ANXA1: variants seen among roughly 807,000 people sequenced by gnomAD.
The protein encoded by ANXA1 is annexin I (lipocortin I).
In ANXA1, 39 loss-of-function variants were observed where a neutral mutation model predicts 47.9. The observed-to-expected ratio is 0.81, with a 90% CI of 0.63 to 1.06. The LOEUF is 1.06. Among genes scored for constraint, ANXA1 ranks in the 50% least tolerant of loss-of-function variants. The pLI is 0.00. For missense variants in ANXA1, 446 were observed against 422.7 expected (o/e 1.06, Z -0.48); for synonymous variants, 146 against 142.5 (o/e 1.02, Z -0.17).
intron 1 of ANXA1, among the ~76,000 whole-genome samples, chr9:73,152,788 T>G (rs1200154151): frequency 2.0e-5 from 3 of 152,206 alleles, no homozygotes; most frequent in Non-Finnish European, 4.4e-5. Context: ...GTGTTGGATA[T>G]ATTTGTAAAA....
chr9:73,163,362 G>A, intron 7 of ANXA1, 114 bp from the exon 8 acceptor site: 1 of 1,020,690 alleles, frequency 9.8e-7, no homozygotes, highest in Non-Finnish European at 1.4e-6. Flanking sequence ...CTAGAAATGA[G>A]TAATAGAATA....
intron 4 of ANXA1, 117 bp downstream of exon 4, chr9:73,159,540 C>A (rs979624262): frequency 1.3e-6 from 1 of 763,016 alleles, no homozygotes; most frequent in Non-Finnish European, 2.1e-6. Flanking sequence ...CTCATTACAT[C>A]TATGATTGGG....
At position 73,170,133 on chromosome 9, in the gene ANXA1, T is replaced by C. The variant is rs1824299350; in HGVS notation, c.*26T>C. ...ACATTCCCTTGATGGTCTCAAGCTA[T>C]GATCAGAAGACTTTAATTATATATT... On this transcript the variant is annotated 3_prime_UTR_variant, in exon 13 of 13. Coordinates refer to ENST00000257497, the MANE Select transcript of ANXA1 (RefSeq NM_000700.3). The C allele has an allele frequency of 1.9e-6, 3 of 1,576,282 alleles. No homozygotes were observed. Among genetic ancestry groups the C allele is most frequent in the African/African-American group, 1.4e-5 (1 of 73,474 alleles).
intron 10 of ANXA1, 24 bp from the exon 11 acceptor site, chr9:73,167,473 A>C: frequency 6.2e-7 from 1 of 1,605,346 alleles, no homozygotes; most frequent in Non-Finnish European, 8.5e-7. Flanking sequence ...TAAATACATC[A>C]ACTAAAATTT....
At chr9:73,159,104 G>A (rs760947682) in intron 3 of ANXA1, among the ~76,000 whole-genome samples, 12 of 152,104 alleles carry the variant, frequency 7.9e-5, no homozygotes, top group Non-Finnish European at 1.8e-4. Flanking sequence ...CAACACTGAG[G>A]GCCAGGAAAA....
Position 73,167,556 on chromosome 9 carries a change from G to A in ANXA1, c.861+1G>A. 6.2e-7 allele frequency: 1 copy of A among 1,613,166 alleles called. No homozygotes were observed. Among genetic ancestry groups the A allele is most frequent in the South Asian group, 1.1e-5 (1 of 91,018 alleles). ...AGAGAAGCTTCATCAAGCCATGAAA[G>A]TATGTACCATTCTACTTATATGTCC... On this transcript the variant is annotated splice_donor_variant, in intron 11 of 12. Coordinates refer to ENST00000257497, the MANE Select transcript of ANXA1 (RefSeq NM_000700.3). LOFTEE classifies it high-confidence loss of function.
Position 73,162,841 on chromosome 9 carries a change from G to T in ANXA1, c.535G>T (p.Ala179Ser). 6.2e-7 allele frequency: 1 copy of T among 1,612,886 alleles called. No individual in the cohort carries two copies. The highest frequency in any genetic ancestry group is 8.5e-7 in the Non-Finnish European group (1 of 1,179,276). The change falls in exon 7 of 13, where the codon GCT becomes TCT. Residue 179 changes from alanine to serine, a missense_variant. Transcript: ENST00000257497. ...AGACACATCTGGAGATTTTCGGAAC[G>T]CTTTGCTTTCTCTTGCTAAGGTACA... is the stretch of plus-strand genomic sequence containing the variant. The part of the protein sequence containing the change: ...TSDTSGDFRN[A>S]LLSLAKGDRS...
chr9:73,155,032 A>AG (rs1488459261), intron 1 of ANXA1, among the ~76,000 whole-genome samples: 89 of 152,272 alleles, frequency 5.8e-4, no homozygotes, highest in African/African-American at 2.0e-3. Flanking sequence ...GGAAAAATGA[A>AG]GCGGGGGGAC....
chr9:73,155,457 G>A lies in ANXA1; in HGVS notation c.-14-3065G>A, dbSNP rs559553545. 7.9e-5 allele frequency among the ~76,000 whole-genome samples: 12 copies of A among 152,268 alleles called. No individual in the cohort carries two copies. The South Asian group carries it at 1.9e-3, about 24-fold the overall frequency. ...AGTGTAGGTATTGAAGAGTCAGAACGGCTTAAGGATAGAATTTGGCCAATA... is the reference window on the plus strand; with the variant it reads ...AGTGTAGGTATTGAAGAGTCAGAACAGCTTAAGGATAGAATTTGGCCAATA... On this transcript the variant is annotated intron_variant, in intron 1 of 12. Coordinates refer to ENST00000257497, the MANE Select transcript of ANXA1 (RefSeq NM_000700.3).
At chr9:73,156,346 T>C (rs1824048447) in intron 1 of ANXA1, among the ~76,000 whole-genome samples, 1 of 151,994 alleles carries the variant, frequency 6.6e-6, no homozygotes, top group African/African-American at 2.4e-5. Flanking sequence ...GTATTGGGTG[T>C]GCCAATTAAG....
At chr9:73,169,006 C>T in intron 11 of ANXA1, 26 bp from the exon 12 acceptor site, 1 of 1,592,990 alleles carries the variant, frequency 6.3e-7, no homozygotes, top group Non-Finnish European at 8.5e-7. Context: ...GAATATGAGA[C>T]ACTTACCCTC....
intron 10 of ANXA1, among the ~76,000 whole-genome samples, chr9:73,166,927 C>T (rs1023212351): frequency 1.5e-4 from 23 of 152,088 alleles, no homozygotes; most frequent in African/African-American, 5.6e-4. Context: ...CATCCTATCC[C>T]AGAGTTTTTT....
intron 10 of ANXA1, among the ~76,000 whole-genome samples, chr9:73,166,752 A>G (rs1186845364): frequency 2.6e-5 from 4 of 152,132 alleles, no homozygotes; most frequent in Non-Finnish European, 5.9e-5. Flanking sequence ...AGCTTGTTAA[A>G]ATGCAGATTC....
chr9:73,162,950 G>A, intron 7 of ANXA1, 89 bp downstream of exon 7: 1 of 1,051,790 alleles, frequency 9.5e-7, no homozygotes, highest in South Asian at 1.4e-5. Flanking sequence ...GAATATCTGA[G>A]GCTAGGTAAT....
At chr9:73,165,930 G>A (rs528117155) in intron 9 of ANXA1, among the ~76,000 whole-genome samples, 167 bp from the exon 10 acceptor site, 57 of 152,208 alleles carry the variant, frequency 3.7e-4, no homozygotes, top group Middle Eastern at 3.4e-3. Flanking sequence ...TACATTCCTA[G>A]GAGAGGATGA....
In ANXA1 at chr9:73,169,933, A is replaced by G. The variant is rs1020026940; in HGVS notation, c.985-118A>G. 13 of 574,044 alleles carry G rather than the reference A, an allele frequency of 2.3e-5. No homozygotes were observed. In the Admixed American group the frequency reaches 4.2e-4, roughly 18 times the overall value. The allele number at this position is 574,044 out of a possible 1,614,324, so 35.6% of individuals were successfully genotyped here. A position where few individuals can be genotyped will look rare whatever the true frequency, so the allele number is the denominator to read the frequency against. On this transcript the variant is annotated intron_variant, in intron 12 of 12. Coordinates refer to ENST00000257497, the MANE Select transcript of ANXA1 (RefSeq NM_000700.3). ...GTTGTATATATTGTTTAATTAAGTG[A>G]ATGGTAATGTGTAATCTCATCTACA... is the stretch of plus-strand genomic sequence containing the variant.
chr9:73,159,404 A>T lies in ANXA1; in HGVS notation c.251A>T (p.Tyr84Phe). ...NAQRQQIKAA[Y>F]LQETGKPLDE... ...CAGCGTCAACAGATCAAAGCAGCAT[A>T]TCTCCAGGAAACAGGAAAGGTAAGT... Residue 84 changes from tyrosine to phenylalanine, a missense_variant, in exon 4 of 13, where the codon TAT becomes TTT. By Grantham distance (22) the Tyr-to-Phe change is conservative. Transcript: ENST00000257497. The T allele has an allele frequency of 6.2e-7, 1 of 1,613,050 alleles. No individual in the cohort carries two copies. The highest frequency in any genetic ancestry group is 1.3e-5 in the African/African-American group (1 of 74,988).
chr9:73,155,035 G>A (rs1255220157), intron 1 of ANXA1, among the ~76,000 whole-genome samples: 2 of 152,106 alleles, frequency 1.3e-5, no homozygotes, highest in Non-Finnish European at 2.9e-5. Context: ...AAAATGAAGC[G>A]GGGGGACTCT....
Position 73,160,844 on chromosome 9 carries a change from A to G in ANXA1, c.426A>G (p.Ala142=), listed in dbSNP as rs1313914238. 1 of 1,613,112 alleles carries G rather than the reference A, an allele frequency of 6.2e-7. No individual in the cohort carries two copies. Among genetic ancestry groups the G allele is most frequent in the East Asian group, 2.2e-5 (1 of 44,812 alleles). ...TDEDTLIEIL[A]SRTNKEIRDI... ...AAGATACTCTAATTGAGATTTTGGC[A>G]TCAAGAACTAACAAAGAAATCAGAG... The change falls in exon 6 of 13, where the codon GCA becomes GCG. Residue 142 remains alanine (A), a synonymous_variant. Transcript: ENST00000257497.
Sources: allele counts gnomAD v4.1 joint callset (sites outside exome capture counted in the v4.1 genomes callset), GRCh38; gene constraint gnomAD v4.1.1; transcripts MANE v1.5; gene names NCBI Gene and HGNC (gene_info 2026-07-23, HGNC 2026-07-21).